The following ARHGEF9 variants were observed in gnomAD, a reference collection of about 807,000 sequenced individuals.
ARHGEF9 encodes Cdc42 guanine nucleotide exchange factor 9.
Under a neutral mutation model 41.3 loss-of-function variants are expected in ARHGEF9, and 2 were observed. That is an observed-to-expected ratio of 0.05 (90% confidence interval 0.02 to 0.15). The LOEUF is 0.15. Ranked by LOEUF, ARHGEF9 falls within the 10% of genes least tolerant of loss-of-function variation. ARHGEF9 has a pLI of 1.00. For missense variants in ARHGEF9, 225 were observed against 424.7 expected (o/e 0.53, Z 4.13); for synonymous variants, 160 against 154.4 (o/e 1.04, Z -0.27).
chrX:63,691,403 A>T (rs1397891838), intron 4 of ARHGEF9, among the ~76,000 whole-genome samples: 4 of 110,668 alleles, frequency 3.6e-5, no homozygotes, highest in Non-Finnish European at 7.6e-5. Flanking sequence ...GATTTAAAAA[A>T]AAATAGGAAT....
chrX:63,673,624 A>G (rs1463047777), intron 6 of ARHGEF9, among the ~76,000 whole-genome samples: 1 of 111,371 alleles, frequency 9.0e-6, no homozygotes, highest in Admixed American at 9.5e-5. Context: ...CGATAAAAAA[A>G]AAAGTATGTT....
At chrX:63,640,379 T>C (rs2047546993) in intron 9 of ARHGEF9, 1 of 112,166 alleles carries the variant, frequency 8.9e-6, no homozygotes, top group African/African-American at 3.2e-5. Context: ...AACTATATAA[T>C]GAGTGTTGAA....
chrX:63,706,632 C>A (rs782804626), intron 2 of ARHGEF9, among the ~76,000 whole-genome samples, 183 bp from the exon 3 acceptor site: 114 of 111,848 alleles, frequency 1.0e-3, no homozygotes, highest in Non-Finnish European at 1.5e-3. Flanking sequence ...TGGGTTTAAT[C>A]TTCTCTAGGT....
chrX:63,719,113 C>A (rs1417534149), intron 2 of ARHGEF9, among the ~76,000 whole-genome samples: 9 of 111,968 alleles, frequency 8.0e-5, no homozygotes, highest in Admixed American at 2.8e-4. Context: ...ATTTGAAATT[C>A]TAGTACAGGG....
chrX:63,677,270 T>C (rs1275984628), intron 5 of ARHGEF9, among the ~76,000 whole-genome samples: 3 of 112,016 alleles, frequency 2.7e-5, no homozygotes, highest in African/African-American at 9.7e-5. Context: ...TTACATGCAG[T>C]CTTCATTCTC....
intron 2 of ARHGEF9, among the ~76,000 whole-genome samples, chrX:63,718,800 G>A (rs1235956848): frequency 1.5e-4 from 17 of 111,772 alleles, no homozygotes; most frequent in Non-Finnish European, 3.0e-4. Context: ...CAAAAGCCCA[G>A]GGTAATTTTA....
chrX:63,698,133 AAATATATCATATATAT>A (rs1556391022), intron 3 of ARHGEF9, among the ~76,000 whole-genome samples: 2 of 106,376 alleles, frequency 1.9e-5, no homozygotes, highest in African/African-American at 6.7e-5. Context: ...ATAAATTTAT[AAATATATCATATATAT>A]ATATATTTAT....
At chrX:63,758,127 C>CT (rs781853715) in intron 1 of ARHGEF9, among the ~76,000 whole-genome samples, 1,061 of 86,672 alleles carry the variant, frequency 0.012, 8 homozygotes, top group Middle Eastern at 0.018. Flanking sequence ...GAGAATGGGA[C>CT]TTTTTTTTTT....
chrX:63,697,362 A>G, intron 3 of ARHGEF9, 58 bp from the exon 4 acceptor site: 1 of 1,096,378 alleles, frequency 9.1e-7, no homozygotes, highest in Non-Finnish European at 1.3e-6. Flanking sequence ...AAGGCTTTAC[A>G]CTTCCTAAGC....
intron 1 of ARHGEF9, among the ~76,000 whole-genome samples, chrX:63,743,105 G>A (rs187472744): frequency 1.7e-4 from 19 of 111,639 alleles, no homozygotes; most frequent in East Asian, 1.1e-3. Context: ...GCATGGTGGC[G>A]TGCAGGAGAA....
chrX:63,706,061 A>T (rs1254845175), intron 3 of ARHGEF9, among the ~76,000 whole-genome samples, 197 bp downstream of exon 3: 2 of 111,528 alleles, frequency 1.8e-5, no homozygotes, highest in Non-Finnish European at 3.8e-5. Context: ...GACAGAGAGA[A>T]AAATGTGAAA....
At chrX:63,640,940 C>T (rs1489622050) in intron 9 of ARHGEF9, 1 of 111,870 alleles carries the variant, frequency 8.9e-6, no homozygotes, top group Non-Finnish European at 1.9e-5. Context: ...AGAACCACTT[C>T]CACATGTATG....
chrX:63,726,466 G>C (rs2053972738), intron 1 of ARHGEF9, among the ~76,000 whole-genome samples: 1 of 111,775 alleles, frequency 8.9e-6, no homozygotes, highest in Non-Finnish European at 1.9e-5. Flanking sequence ...GGCCTCCCAA[G>C]TAGCTGGGAC....
chrX:63,702,064 C>G (rs1556396326), intron 3 of ARHGEF9, among the ~76,000 whole-genome samples: 1 of 112,324 alleles, frequency 8.9e-6, no homozygotes, highest in Non-Finnish European at 1.9e-5. Context: ...TTAAAATATA[C>G]CAAATGGAAA....
chrX:63,696,770 AAAG>A (rs1259553992), intron 4 of ARHGEF9, among the ~76,000 whole-genome samples: 2 of 111,653 alleles, frequency 1.8e-5, no homozygotes, highest in Non-Finnish European at 3.8e-5. Flanking sequence ...GGGGAATGGT[AAAG>A]AAGGAGAATC....
intron 3 of ARHGEF9, among the ~76,000 whole-genome samples, chrX:63,697,884 A>G (rs2051866272): frequency 1.8e-5 from 2 of 111,608 alleles, no homozygotes; most frequent in African/African-American, 6.5e-5. Flanking sequence ...CAAAGTACAC[A>G]TACAATATTT....
chrX:63,719,284 T>C (rs1569488468), intron 2 of ARHGEF9, among the ~76,000 whole-genome samples: 1 of 112,126 alleles, frequency 8.9e-6, no homozygotes, highest in East Asian at 2.8e-4. Context: ...GAAGCTTGAA[T>C]GGATAAACAA....
In ARHGEF9 at chrX:63,774,227, T is replaced by C. The variant is rs148413386; in HGVS notation, c.30+10889A>G. Among the ~76,000 whole-genome samples, 798 of 111,426 alleles carry C rather than the reference T, an allele frequency of 7.2e-3. 4 individuals carry two copies. Among genetic ancestry groups the C allele is most frequent in the Non-Finnish European group, 0.012 (637 of 53,066 alleles). ...GTTTAGGATTCTGGCCAAGGACACA[T>C]TGTGACAGCTGCTGGTGGAGGCAGG... On this transcript the variant is annotated intron_variant, in intron 1 of 9. Transcript: ENST00000671741.
chrX:63,778,074 C>A (rs1446242978), intron 1 of ARHGEF9, among the ~76,000 whole-genome samples: 1 of 112,996 alleles, frequency 8.8e-6, no homozygotes, highest in Non-Finnish European at 1.9e-5. Context: ...TCCACACTGC[C>A]TGAGCAGAAG....
Sources: gnomAD v4.1 joint callset for allele counts (sites outside exome capture counted in the v4.1 genomes callset) on GRCh38, gnomAD v4.1.1 for gene constraint, MANE v1.5 for transcripts, NCBI Gene and HGNC (gene_info 2026-07-23, HGNC 2026-07-21) for gene names.